The following LVRN variants were observed in gnomAD, a reference collection of about 807,000 sequenced individuals.
LVRN encodes aminopeptidase Q.
In LVRN, 99 loss-of-function variants were observed where a neutral mutation model predicts 111.4. The ratio of observed to expected loss-of-function variants is 0.89; its 90% CI spans 0.76 to 1.05. LVRN has a LOEUF of 1.05. Ranked by LOEUF, LVRN falls within the 50% of genes least tolerant of loss-of-function variation. The pLI, the probability that LVRN is intolerant of heterozygous loss-of-function variation, is 0.00. For synonymous variants in LVRN, 488 were observed against 449.5 expected, an observed-to-expected ratio of 1.09 and a Z score of -1.08; for missense variants, 1,414 against 1,206.8, an observed-to-expected ratio of 1.17 and a Z score of -2.54.
At chr5:116,023,397 T>A in intron 19 of LVRN, 1 of 152,158 alleles carries the variant, frequency 6.6e-6, no homozygotes, top group East Asian at 1.9e-4. Flanking sequence ...ACTTATATAA[T>A]CCTCAGCACT....
At chr5:116,014,701 T>TG (rs1192786721) in intron 16 of LVRN, among the ~76,000 whole-genome samples, 174 bp downstream of exon 16, 1 of 152,194 alleles carries the variant, frequency 6.6e-6, no homozygotes, top group African/African-American at 2.4e-5. Context: ...TGTGGGTCTG[T>TG]GTATAACGAT....
At chr5:116,020,000 C>A (rs1349229166) in intron 18 of LVRN, 2 of 152,306 alleles carry the variant, frequency 1.3e-5, no homozygotes, top group East Asian at 3.8e-4. Context: ...AGTACATCGC[C>A]AATAGCAGTG....
In LVRN at chr5:116,001,032, A is replaced by G. The variant is rs532077254; in HGVS notation, c.1648-35A>G. On this transcript the variant is annotated intron_variant, in intron 9 of 19. Coordinates refer to ENST00000357872, the MANE Select transcript of LVRN (RefSeq NM_173800.5). ...GCTACTTCAAAATGTTTCACGGATA[A>G]CCTTACCTGCCTTTGTGGTGATTTT... 7.5e-5 allele frequency: 118 copies of G among 1,563,498 alleles called. 1 individual carries two copies. In the South Asian group the frequency reaches 1.4e-3, roughly 18 times the overall value.
At chr5:115,977,901 TAAAGA>T (rs1424603047) in intron 1 of LVRN, among the ~76,000 whole-genome samples, 15 of 152,132 alleles carry the variant, frequency 9.9e-5, no homozygotes, top group African/African-American at 3.4e-4. Context: ...TTCCCTTGAT[TAAAGA>T]AAAGAAGGAA....
intron 18 of LVRN, among the ~76,000 whole-genome samples, chr5:116,016,520 G>A (rs1332242738): frequency 2.0e-5 from 3 of 152,228 alleles, no homozygotes; most frequent in Non-Finnish European, 2.9e-5. Flanking sequence ...TTTTTCTGAC[G>A]CACATTCCAC....
intron 3 of LVRN, among the ~76,000 whole-genome samples, chr5:115,985,734 G>A (rs867109382): frequency 2.6e-5 from 4 of 152,132 alleles, no homozygotes; most frequent in Admixed American, 2.0e-4. Context: ...GAAATAGCTG[G>A]TTTTCACCCA....
chr5:115,983,313 C>A lies in LVRN; in HGVS notation c.722C>A (p.Pro241Gln). 6.2e-7 allele frequency: 1 copy of A among 1,604,558 alleles called. No individual in the cohort carries two copies. Among genetic ancestry groups the A allele is most frequent in the Non-Finnish European group, 8.5e-7 (1 of 1,177,240 alleles). ...RRALLASQLE[P>Q]TFARYVFPCF... ...GCCCTGTTAGCGTCCCAGCTGGAAC[C>A]AACATTTGCCAGGTATGTTTTCCCT... The change falls in exon 2 of 20, where the codon CCA becomes CAA. Residue 241 changes from proline to glutamine, a missense_variant. Physicochemically the swap from Pro to Gln is moderately conservative, Grantham distance 76 (BLOSUM62 -1). Coordinates refer to ENST00000357872, the MANE Select transcript of LVRN (RefSeq NM_173800.5).
chr5:115,987,047 G>A (rs561734122), intron 3 of LVRN, among the ~76,000 whole-genome samples: 2 of 149,608 alleles, frequency 1.3e-5, no homozygotes, highest in South Asian at 4.2e-4. Flanking sequence ...TTTTTTTTTA[G>A]AGTTTACAAT....
intron 1 of LVRN, among the ~76,000 whole-genome samples, chr5:115,979,831 C>T (rs1753524762): frequency 6.6e-6 from 1 of 152,142 alleles, no homozygotes; most frequent in Non-Finnish European, 1.5e-5. Context: ...ACCGGCTATG[C>T]TATTCAGCAC....
chr5:115,991,448 T>A (rs182501606), intron 4 of LVRN, among the ~76,000 whole-genome samples: 1 of 152,372 alleles, frequency 6.6e-6, no homozygotes, highest in Admixed American at 6.5e-5. Flanking sequence ...TTAGCCTATT[T>A]AAGGGCATCT....
intron 7 of LVRN, among the ~76,000 whole-genome samples, chr5:116,000,145 G>A (rs751250582): frequency 3.9e-5 from 6 of 152,136 alleles, no homozygotes; most frequent in Non-Finnish European, 8.8e-5. Flanking sequence ...TACTTTTAAG[G>A]TGAACCCTTT....
At chr5:116,021,197 C>T (rs1476048438) in intron 18 of LVRN, 1 of 152,170 alleles carries the variant, frequency 6.6e-6, no homozygotes, top group Non-Finnish European at 1.5e-5. Context: ...TTATAAATTG[C>T]CCAAGGTAAT....
At chr5:116,017,656 C>A (rs924524743) in intron 18 of LVRN, among the ~76,000 whole-genome samples, 1 of 152,034 alleles carries the variant, frequency 6.6e-6, no homozygotes, top group African/African-American at 2.4e-5. Context: ...AAATATGTAA[C>A]CTTAAACAAG....
chr5:116,012,937 A>G (rs1211373626), intron 15 of LVRN, among the ~76,000 whole-genome samples: 2 of 152,160 alleles, frequency 1.3e-5, no homozygotes, highest in African/African-American at 2.4e-5. Context: ...TGTGAGCACA[A>G]GTTAGTTTCA....
At chr5:115,992,477 G>C (rs1308559573) in intron 5 of LVRN, among the ~76,000 whole-genome samples, 200 bp downstream of exon 5, 4 of 152,174 alleles carry the variant, frequency 2.6e-5, no homozygotes, top group African/African-American at 9.7e-5. Context: ...TCATAGGGAG[G>C]AGACCGTACA....
At chr5:115,992,924 C>A (rs1278573386) in intron 5 of LVRN, among the ~76,000 whole-genome samples, 1 of 152,186 alleles carries the variant, frequency 6.6e-6, no homozygotes, top group Admixed American at 6.5e-5. Context: ...ACGATGTTAT[C>A]TTCGTAATGT....
intron 15 of LVRN, among the ~76,000 whole-genome samples, chr5:116,014,118 G>A (rs1215499399): frequency 1.3e-5 from 2 of 152,188 alleles, no homozygotes; most frequent in African/African-American, 4.8e-5. Flanking sequence ...GACAACAGCT[G>A]TGGAGAGTGT....
In LVRN at chr5:115,962,476, G is replaced by C. The variant is rs781077274; in HGVS notation, c.-142G>C. Reference sequence around the variant, plus strand: ...CCCAACCGCTGTCTGCTGAGCTCCAGTCCGTCCAGGCTCTTCCAGGAGGAA... The same window carrying C: ...CCCAACCGCTGTCTGCTGAGCTCCACTCCGTCCAGGCTCTTCCAGGAGGAA... On this transcript the variant is annotated 5_prime_UTR_variant, in exon 1 of 20. Transcript: ENST00000357872. 28 of 778,014 alleles carry C rather than the reference G, an allele frequency of 3.6e-5. No individual in the cohort carries two copies. In the African/African-American group the frequency reaches 4.5e-4, roughly 12 times the overall value. 48.2% of individuals were successfully genotyped at this position (778,014 alleles called of 1,614,324 possible).
At chr5:116,002,727 C>G (rs1445319393) in intron 10 of LVRN, 108 bp from the exon 11 acceptor site, 1 of 780,500 alleles carries the variant, frequency 1.3e-6, no homozygotes, top group African/African-American at 1.8e-5. Flanking sequence ...AGAGAATGAC[C>G]AAAGAAACTG....
Sources: allele counts gnomAD v4.1 joint callset (sites outside exome capture counted in the v4.1 genomes callset), GRCh38; gene constraint gnomAD v4.1.1; transcripts MANE v1.5; gene names NCBI Gene and HGNC (gene_info 2026-07-23, HGNC 2026-07-21).